BRSK1: variants seen among roughly 807,000 people sequenced by gnomAD.
The protein encoded by BRSK1 is serine/threonine-protein kinase BRSK1.
A neutral mutation model predicts 86.2 loss-of-function variants in BRSK1; 17 were observed. That is an observed-to-expected ratio of 0.20 (90% CI 0.14 to 0.30). The LOEUF (loss-of-function observed/expected upper bound fraction) is 0.30. BRSK1 is among the 10% of genes least tolerant of loss of function. The probability of loss-of-function intolerance (pLI) is 1.00; values close to 1 mark genes in which losing one functional copy is unlikely to be tolerated. For synonymous variants in BRSK1, 464 were observed against 440.1 expected (o/e 1.05, Z -0.68); for missense variants, 719 against 1,071.9 (o/e 0.67, Z 4.60).
chr19:55,288,492 A>T (rs953175392), intron 3 of BRSK1, among the ~76,000 whole-genome samples: 5 of 149,866 alleles, frequency 3.3e-5, no homozygotes, highest in African/African-American at 1.2e-4. Context: ...AAAAAAAAAA[A>T]CTCCAAACAA....
chr19:55,292,356 C>G (rs2088419602), intron 4 of BRSK1, among the ~76,000 whole-genome samples: 1 of 152,160 alleles, frequency 6.6e-6, no homozygotes, highest in African/African-American at 2.4e-5. Context: ...CAAATACTTA[C>G]AGATAAACTA....
chr19:55,297,685 G>A (rs2122962247), intron 7 of BRSK1, among the ~76,000 whole-genome samples: 1 of 152,300 alleles, frequency 6.6e-6, no homozygotes, highest in South Asian at 2.1e-4. Flanking sequence ...AGCCCATCCA[G>A]CCGAGTTCCA....
chr19:55,306,599 C>A lies in BRSK1; in HGVS notation c.2089+149C>A. The stretch of plus-strand genomic sequence containing the variant: ...TCTGTGCTCCTCCTGCCCACACAGA[C>A]CGCCCCACAAGCCCATCCTCTATTT... On this transcript the variant is annotated intron_variant, in intron 17 of 18. Coordinates refer to ENST00000309383, the MANE Select transcript of BRSK1 (RefSeq NM_032430.2). The surrounding 1 kb of genome is among the most constrained non-coding windows in gnomAD (Gnocchi z 4.7). 1.2e-6 allele frequency: 1 copy of A among 836,482 alleles called. No individual in the cohort carries two copies. Among genetic ancestry groups the A allele is most frequent in the Non-Finnish European group, 1.9e-6 (1 of 535,242 alleles). 51.8% of individuals were successfully genotyped at this position (836,482 alleles called of 1,614,324 possible). A position where few individuals can be genotyped will look rare whatever the true frequency, so the allele number is the denominator to read the frequency against.
At chr19:55,305,276 A>G (rs1244302084) in intron 14 of BRSK1, 45 bp from the exon 15 acceptor site, 8 of 1,610,536 alleles carry the variant, frequency 5.0e-6, no homozygotes, top group Non-Finnish European at 5.9e-6. Flanking sequence ...GGCAACTGGG[A>G]TGATGCACAG....
At chr19:55,286,973 CG>C (rs779429639) in intron 1 of BRSK1, 33 bp from the exon 2 acceptor site, 1 of 1,606,084 alleles carries the variant, frequency 6.2e-7, no homozygotes, top group South Asian at 1.1e-5. Flanking sequence ...GGGGACCCGG[CG>C]GAACACCCCA....
At position 55,287,443 on chromosome 19, in the gene BRSK1, G is replaced by A. The variant is rs2088335497; in HGVS notation, c.317+144G>A. 8.1e-6 allele frequency: 6 copies of A among 739,730 alleles called. No individual in the cohort carries two copies. Among genetic ancestry groups the A allele is most frequent in the African/African-American group, 1.7e-5 (1 of 57,174 alleles). The allele number at this position is 739,730 out of a possible 1,614,324, so 45.8% of individuals were successfully genotyped here. A position where few individuals can be genotyped will look rare whatever the true frequency, so the allele number is the denominator to read the frequency against. On this transcript the variant is annotated intron_variant, in intron 3 of 18. Coordinates refer to ENST00000309383, the MANE Select transcript of BRSK1 (RefSeq NM_032430.2). The surrounding 1 kb of genome is among the most constrained non-coding windows in gnomAD (Gnocchi z 5.3). The stretch of plus-strand genomic sequence containing the variant: ...CCGCTGAAGGCCCAGTTCCTTGCCT[G>A]TTGCACAGGGAAGCCCCTGACACAC...
chr19:55,294,349 C>T lies in BRSK1; in HGVS notation c.630C>T (p.Arg210=). 1 of 1,614,132 alleles carries T rather than the reference C, an allele frequency of 6.2e-7. No homozygotes were observed. Among genetic ancestry groups the T allele is most frequent in the Non-Finnish European group, 8.5e-7 (1 of 1,180,034 alleles). Residue 210 remains arginine, a synonymous_variant, in exon 7 of 19, where the codon CGC becomes CGT. Coordinates refer to ENST00000309383, the MANE Select transcript of BRSK1 (RefSeq NM_032430.2). This position sits in a 1 kb window ranked among gnomAD's most constrained non-coding sequence, Gnocchi z 4.9. ...EVIKGEKYDG[R]RADMWSCGVI... The stretch of plus-strand genomic sequence containing the variant: ...TCCAGGGGGAAAAATATGATGGCCG[C>T]CGGGCAGACATGTGGAGCTGTGGAG...
intron 8 of BRSK1, 109 bp downstream of exon 8, chr19:55,301,767 G>T (rs2088572397): frequency 1.5e-6 from 2 of 1,332,158 alleles, no homozygotes; most frequent in Non-Finnish European, 2.0e-6. Context: ...CAGTCCCCAG[G>T]GTGACTGGGA....
In BRSK1 at chr19:55,287,109, C is replaced by A; in HGVS notation, c.231+8C>A. 1.9e-6 allele frequency: 3 copies of A among 1,611,512 alleles called. No individual in the cohort carries two copies. Among genetic ancestry groups the A allele is most frequent in the Non-Finnish European group, 2.5e-6 (3 of 1,179,172 alleles). On this transcript the variant is annotated splice_region_variant and intron_variant, in intron 2 of 18. Transcript: ENST00000309383. This position sits in a 1 kb window ranked among gnomAD's most constrained non-coding sequence, Gnocchi z 5.3. ...GAGTCGGTGCTGATGAAGGTGTGTGCGCCTGCTGCAGTGTGCCTGCGGGTG... is the reference window on the plus strand; with the variant it reads ...GAGTCGGTGCTGATGAAGGTGTGTGAGCCTGCTGCAGTGTGCCTGCGGGTG...
rs1318306391 is a variant in BRSK1 at position 55,287,288 on chromosome 19, C to T, written c.306C>T (p.Asn102=). ...HVLKLHDVYE[N]KKYLYLVLEH... ...TCAAGCTCCACGACGTCTACGAGAACAAGAAATATTTGTAGGTATTTATAG... is the reference window on the plus strand; with the variant it reads ...TCAAGCTCCACGACGTCTACGAGAATAAGAAATATTTGTAGGTATTTATAG... Residue 102 remains asparagine (N), a synonymous_variant, in exon 3 of 19, where the codon AAC becomes AAT. Coordinates refer to ENST00000309383, the MANE Select transcript of BRSK1 (RefSeq NM_032430.2). The surrounding 1 kb of genome is among the most constrained non-coding windows in gnomAD (Gnocchi z 5.3). 1 of 1,613,898 alleles carries T rather than the reference C, an allele frequency of 6.2e-7. No individual in the cohort carries two copies. The highest frequency in any genetic ancestry group is 1.3e-5 in the African/African-American group (1 of 74,894).
intron 1 of BRSK1, among the ~76,000 whole-genome samples, chr19:55,285,363 C>T (rs1385171520): frequency 6.6e-6 from 1 of 152,034 alleles, no homozygotes; most frequent in Non-Finnish European, 1.5e-5. Flanking sequence ...GGGGCAGAGG[C>T]TGGAGGGGCT....
chr19:55,284,247 C>A lies in BRSK1; in HGVS notation c.-196C>A. Reference sequence around the variant, plus strand: ...GCTGACTCCCGGGGCCTGACCCCCCCGGGCCAGCCCCCCCTCCCCCAGCTC... The same window carrying A: ...GCTGACTCCCGGGGCCTGACCCCCCAGGGCCAGCCCCCCCTCCCCCAGCTC... On this transcript the variant is annotated 5_prime_UTR_variant, in exon 1 of 19. Transcript: ENST00000309383. The A allele has an allele frequency of 4.3e-6, 2 of 466,858 alleles. No individual in the cohort carries two copies. Among genetic ancestry groups the A allele is most frequent in the Non-Finnish European group, 6.8e-6 (2 of 294,924 alleles). 28.9% of individuals were successfully genotyped at this position (466,858 alleles called of 1,614,324 possible).
rs2088325023 is a variant in BRSK1 at position 55,286,863 on chromosome 19, G to T, written c.137-144G>T. 1.3e-5 allele frequency: 9 copies of T among 686,006 alleles called. No homozygotes were observed. In the East Asian group the frequency reaches 2.4e-4, roughly 19 times the overall value. 42.5% of individuals were successfully genotyped at this position (686,006 alleles called of 1,614,324 possible). A position where few individuals can be genotyped will look rare whatever the true frequency, so the allele number is the denominator to read the frequency against. On this transcript the variant is annotated intron_variant, in intron 1 of 18. Coordinates refer to ENST00000309383, the MANE Select transcript of BRSK1 (RefSeq NM_032430.2). ...GTGGGAGTGTGGGCTCTCAGCCCCA[G>T]GAGTTCAGGTCTGATGTGTTCAGGC...
chr19:55,290,888 G>A (rs549735248), intron 4 of BRSK1, among the ~76,000 whole-genome samples: 130 of 151,816 alleles, frequency 8.6e-4, no homozygotes, highest in Non-Finnish European at 1.5e-3. Context: ...TAATCCGTCC[G>A]CCTCGGCCTC....
intron 17 of BRSK1, 57 bp from the exon 18 acceptor site, chr19:55,308,582 C>T (rs577733653): frequency 1.4e-4 from 187 of 1,348,496 alleles, no homozygotes; most frequent in East Asian, 1.2e-3. Context: ...CAGGCTGGGA[C>T]GGCCTTCCCG....
At position 55,302,225 on chromosome 19, in the gene BRSK1, A is replaced by C; in HGVS notation, c.857+57A>C. On this transcript the variant is annotated intron_variant, in intron 9 of 18. Transcript: ENST00000309383. The surrounding 1 kb of genome is among the most constrained non-coding windows in gnomAD (Gnocchi z 6.3). ...CTGGCGGAAATAGGGGAGGGGCCAAAGCAGTAGAAGCGGCTGGGAGGGGTG... is the reference window on the plus strand; with the variant it reads ...CTGGCGGAAATAGGGGAGGGGCCAACGCAGTAGAAGCGGCTGGGAGGGGTG... 1 of 1,587,490 alleles carries C rather than the reference A, an allele frequency of 6.3e-7. No individual in the cohort carries two copies. Among genetic ancestry groups the C allele is most frequent in the Non-Finnish European group, 8.6e-7 (1 of 1,156,262 alleles).
chr19:55,303,381 C>G lies in BRSK1; in HGVS notation c.1099C>G (p.Gln367Glu), dbSNP rs766008194. The change falls in exon 11 of 19, where the codon CAG becomes GAG. Residue 367 changes from glutamine to glutamate, a missense_variant. Physicochemically the swap from Gln to Glu is conservative, Grantham distance 29 (BLOSUM62 2). This residue lies in a region of BRSK1 where 168 missense variants were observed against 246.3 expected (regional missense o/e 0.68). Transcript: ENST00000309383. The surrounding 1 kb of genome is among the most constrained non-coding windows in gnomAD (Gnocchi z 5.1). ...RKERYPSCEDQDLPPRNDVDP... is the reference protein window; with the variant it reads ...RKERYPSCEDEDLPPRNDVDP... ...GGAGCGGTATCCCAGCTGTGAGGAC[C>G]AGGACCTGCCTCCCCGGAATGATGT... 6.2e-7 allele frequency: 1 copy of G among 1,613,970 alleles called. No homozygotes were observed. The highest frequency in any genetic ancestry group is 8.5e-7 in the Non-Finnish European group (1 of 1,179,928).
intron 3 of BRSK1, 111 bp from the exon 4 acceptor site, chr19:55,289,369 G>C: frequency 2.3e-6 from 3 of 1,286,732 alleles, no homozygotes; most frequent in Non-Finnish European, 3.2e-6. Context: ...TTCTCCCAAG[G>C]ATCATGGGAA....
intron 7 of BRSK1, among the ~76,000 whole-genome samples, chr19:55,301,100 C>G (rs2088563220): frequency 6.6e-6 from 1 of 152,244 alleles, no homozygotes; most frequent in Non-Finnish European, 1.5e-5. Flanking sequence ...CATTGCACCT[C>G]CTGGGAGAAG....
Sources: gnomAD v4.1 joint callset for allele counts (sites outside exome capture counted in the v4.1 genomes callset) on GRCh38, gnomAD v4.1.1 for gene constraint, gnomAD v4.1.1 regional missense constraint, Gnocchi (gnomAD v3.1) non-coding constraint, MANE v1.5 for transcripts, NCBI Gene and HGNC (gene_info 2026-07-23, HGNC 2026-07-21) for gene names.